ANKS6: variants seen among roughly 807,000 people sequenced by gnomAD.
ANKS6 encodes ankyrin repeat and SAM domain-containing protein 6.
Under a neutral mutation model 77.9 loss-of-function variants are expected in ANKS6, and 47 were observed. The ratio of observed to expected loss-of-function variants is 0.60; its 90% CI spans 0.48 to 0.77. ANKS6 has a LOEUF of 0.77. ANKS6 is among the 30% of genes least tolerant of loss of function. The probability of loss-of-function intolerance (pLI) is 0.00; values close to 1 mark genes in which losing one functional copy is unlikely to be tolerated. For missense variants in ANKS6, 1,150 were observed against 1,159.1 expected (o/e 0.99, Z 0.11); for synonymous variants, 488 against 501.7 (o/e 0.97, Z 0.37).
chr9:98,749,110 G>C (rs1318047199), intron 13 of ANKS6, among the ~76,000 whole-genome samples: 2 of 152,152 alleles, frequency 1.3e-5, no homozygotes, highest in South Asian at 2.1e-4. Context: ...TCCATATAGA[G>C]AGTGCACCCC....
intron 11 of ANKS6, among the ~76,000 whole-genome samples, chr9:98,756,850 C>T (rs1429323256): frequency 6.6e-6 from 1 of 151,578 alleles, no homozygotes; most frequent in Admixed American, 6.6e-5. Context: ...TCAGGAACCA[C>T]CCCGCTCCCC....
intron 1 of ANKS6, among the ~76,000 whole-genome samples, chr9:98,794,214 C>T (rs1420513654): frequency 6.6e-6 from 1 of 151,148 alleles, no homozygotes; most frequent in Admixed American, 6.6e-5. Flanking sequence ...AAAACACCCA[C>T]AAAAGACCAA....
chr9:98,765,904 CT>C (rs1203480072), intron 11 of ANKS6, among the ~76,000 whole-genome samples: 1 of 152,180 alleles, frequency 6.6e-6, no homozygotes, highest in Non-Finnish European at 1.5e-5. Flanking sequence ...CTAAGGTTAT[CT>C]TTGAAAAAGC....
rs1279330763 is a variant in ANKS6, at chr9:98,796,178, T to C, written c.314A>G (p.Asn105Ser). The C allele has an allele frequency of 4.2e-6, 6 of 1,416,670 alleles. No homozygotes were observed. In the East Asian group the frequency reaches 1.5e-4, roughly 36 times the overall value. The allele number at this position is 1,416,670 out of a possible 1,614,324, so 87.8% of individuals were successfully genotyped here. Residue 105 changes from asparagine (N) to serine (S), a missense_variant, in exon 1 of 15, where the codon AAC (asparagine) becomes AGC (serine). Asn to Ser is a conservative substitution (Grantham distance 46). Coordinates refer to ENST00000353234, the MANE Select transcript of ANKS6 (RefSeq NM_173551.5). ...GCTCCAGCCGTAGTGGTTGCGGCTG[T>C]TGACCGAGGCACCGCGGCGCAGCAG... ...RFLLRRGASV[N>S]SRNHYGWSAL...
chr9:98,763,164 C>A (rs2117976997), intron 11 of ANKS6, among the ~76,000 whole-genome samples: 1 of 152,146 alleles, frequency 6.6e-6, no homozygotes, highest in African/African-American at 2.4e-5. Flanking sequence ...ATTTATAGAA[C>A]TCCTCTCCCC....
intron 13 of ANKS6, among the ~76,000 whole-genome samples, 157 bp from the exon 14 acceptor site, chr9:98,745,832 G>A (rs1314649318): frequency 2.0e-5 from 3 of 152,096 alleles, no homozygotes; most frequent in Non-Finnish European, 4.4e-5. Flanking sequence ...TTAGAGTTTC[G>A]TTGAAAACAT....
intron 11 of ANKS6, among the ~76,000 whole-genome samples, chr9:98,761,501 TTTCA>T (rs1328712393): frequency 1.3e-5 from 2 of 152,192 alleles, no homozygotes; most frequent in African/African-American, 4.8e-5. Context: ...TGGCATGACT[TTTCA>T]TTTTCTTAAT....
At chr9:98,750,979 T>C in intron 13 of ANKS6, 50 bp downstream of exon 13, 2 of 1,497,920 alleles carry the variant, frequency 1.3e-6, no homozygotes, top group Non-Finnish European at 1.8e-6. Flanking sequence ...TTAGACAAAT[T>C]TTTCTTTCAT....
intron 12 of ANKS6, among the ~76,000 whole-genome samples, chr9:98,752,597 CAT>C (rs1343236701): frequency 6.6e-6 from 1 of 152,222 alleles, no homozygotes; most frequent in Non-Finnish European, 1.5e-5. Flanking sequence ...CCAGCCTGTA[CAT>C]GGATGACCCA....
chr9:98,754,510 C>T (rs1045747350), intron 12 of ANKS6, among the ~76,000 whole-genome samples: 3 of 152,028 alleles, frequency 2.0e-5, no homozygotes, highest in Middle Eastern at 3.4e-3. Context: ...GGCGTGGTGG[C>T]GGGCACCTGA....
At chr9:98,746,588 T>TC (rs1336072554) in intron 13 of ANKS6, among the ~76,000 whole-genome samples, 61 of 139,224 alleles carry the variant, frequency 4.4e-4, no homozygotes, top group Admixed American at 3.4e-3. Flanking sequence ...AGAGCTTTTT[T>TC]TTTTTTTTTT....
chr9:98,740,989 G>C (rs771845890), intron 14 of ANKS6, among the ~76,000 whole-genome samples: 11 of 152,162 alleles, frequency 7.2e-5, no homozygotes, highest in Non-Finnish European at 1.5e-4. Flanking sequence ...CTGTTCACTG[G>C]CTCTTTCCGG....
chr9:98,774,170 C>G (rs1348567203), intron 8 of ANKS6, 90 bp from the exon 9 acceptor site: 30 of 1,187,732 alleles, frequency 2.5e-5, no homozygotes, highest in Non-Finnish European at 3.3e-5. Context: ...CTTCTTGGGG[C>G]ATGGCACCAC....
In ANKS6 at chr9:98,778,230, G is replaced by A. The variant is rs201708013; in HGVS notation, c.1563C>T (p.Asp521=). ...ALPDAAPVTK[D]NGPGSTRGEK... ...GCACATGCAGACTTTTCTCACCATTGTCTTTGGTCACAGGGGCCGCATCAG... is the reference window on the plus strand; with the variant it reads ...GCACATGCAGACTTTTCTCACCATTATCTTTGGTCACAGGGGCCGCATCAG... Residue 521 remains aspartate, a synonymous_variant, in exon 7 of 15, where the codon GAC becomes GAT. Coordinates refer to ENST00000353234, the MANE Select transcript of ANKS6 (RefSeq NM_173551.5). 54 of 1,614,004 alleles carry A rather than the reference G, an allele frequency of 3.3e-5. No homozygotes were observed. The highest frequency in any genetic ancestry group is 3.9e-5 in the Non-Finnish European group (46 of 1,180,012).
intron 10 of ANKS6, among the ~76,000 whole-genome samples, chr9:98,769,451 G>A (rs1297297918): frequency 6.6e-6 from 1 of 152,130 alleles, no homozygotes; most frequent in African/African-American, 2.4e-5. Context: ...AAAAATCTAG[G>A]AACAGCCTCA....
At chr9:98,745,028 C>T (rs1417891734) in intron 14 of ANKS6, among the ~76,000 whole-genome samples, 2 of 151,974 alleles carry the variant, frequency 1.3e-5, no homozygotes, top group South Asian at 2.1e-4. Flanking sequence ...TGGGTGGGCG[C>T]GGGGTGAGGG....
At chr9:98,737,373 C>T (rs1352029796) in intron 14 of ANKS6, among the ~76,000 whole-genome samples, 1 of 152,122 alleles carries the variant, frequency 6.6e-6, no homozygotes, top group Non-Finnish European at 1.5e-5. Flanking sequence ...AAGAATTCAG[C>T]AAAGTTTCTG....
chr9:98,751,340 GAC>G lies in ANKS6; in HGVS notation c.2327-246_2327-245del, dbSNP rs571455539. Among the ~76,000 whole-genome samples the G allele has an allele frequency of 2.9e-3, 447 of 151,962 alleles. 8 individuals are homozygous for G. Among genetic ancestry groups the G allele is most frequent in the Non-Finnish European group, 6.6e-4 (45 of 68,040 alleles). On this transcript the variant is annotated intron_variant, in intron 12 of 14. Coordinates refer to ENST00000353234, the MANE Select transcript of ANKS6 (RefSeq NM_173551.5). ...ACAAAACTCCACGTCAGGCTGTGAA[GAC>G]ACAGAGAGTCTGGGCCAGGACTGAC...
chr9:98,754,496 G>T (rs1426095906), intron 12 of ANKS6, among the ~76,000 whole-genome samples: 2 of 152,046 alleles, frequency 1.3e-5, no homozygotes, highest in African/African-American at 4.8e-5. Flanking sequence ...AAAATAATTA[G>T]CCAGGCGTGG....
Sources: allele counts gnomAD v4.1 joint callset (sites outside exome capture counted in the v4.1 genomes callset), GRCh38; gene constraint gnomAD v4.1.1; transcripts MANE v1.5; gene names NCBI Gene and HGNC (gene_info 2026-07-23, HGNC 2026-07-21).